SUPT3H: variants seen among roughly 807,000 people sequenced by gnomAD.
SUPT3H encodes the protein SPT3 homolog, SAGA and STAGA complex component.
SUPT3H carries 44 observed loss-of-function variants against 44.3 expected under a neutral mutation model. That is an observed-to-expected ratio of 0.99 (90% CI 0.78 to 1.28). The LOEUF (loss-of-function observed/expected upper bound fraction) is 1.28, where lower values mean the gene tolerates loss of function less well. Ranked by LOEUF, SUPT3H falls within the 50% of genes most tolerant of loss-of-function variation. The pLI, the probability that SUPT3H is intolerant of heterozygous loss-of-function variation, is 0.00. For missense variants in SUPT3H, 380 were observed against 387.1 expected, an observed-to-expected ratio of 0.98 and a Z score of 0.15; for synonymous variants, 124 against 125.6, an observed-to-expected ratio of 0.99 and a Z score of 0.09.
chr6:45,288,459 A>G (rs1173069765), intron 2 of SUPT3H, among the ~76,000 whole-genome samples: 1 of 151,248 alleles, frequency 6.6e-6, no homozygotes, highest in Non-Finnish European at 1.5e-5. Flanking sequence ...CAAAATTATT[A>G]TAAATTCAAT....
At chr6:44,906,741 A>AACACAGGTTGAG (rs1220503914) in intron 10 of SUPT3H, among the ~76,000 whole-genome samples, 8 of 152,320 alleles carry the variant, frequency 5.3e-5, no homozygotes, top group Admixed American at 3.9e-4. Flanking sequence ...CAACCTGGGC[A>AACACAGGTTGAG]ACAGAGTGAG....
chr6:45,306,452 C>G (rs767460156), intron 2 of SUPT3H, among the ~76,000 whole-genome samples: 4 of 152,042 alleles, frequency 2.6e-5, no homozygotes, highest in Non-Finnish European at 5.9e-5. Context: ...CACAGATTAC[C>G]CAGCTTGAAC....
chr6:44,930,417 G>A (rs1770388414), intron 10 of SUPT3H, among the ~76,000 whole-genome samples: 1 of 151,090 alleles, frequency 6.6e-6, no homozygotes, highest in Non-Finnish European at 1.5e-5. Flanking sequence ...ACAAAAATTA[G>A]TTGGGCATGG....
In SUPT3H at chr6:44,937,635, A is replaced by C. The variant is rs887155385; in HGVS notation, c.802-4872T>G. On this transcript the variant is annotated intron_variant, in intron 9 of 10. Transcript: ENST00000371459. The stretch of plus-strand genomic sequence containing the variant: ...ATAATAGCCATTCTGATTGGTGTAA[A>C]ATGATATCTCATTGTGGTTTTAATT... Among the ~76,000 whole-genome samples, 15 of 152,192 alleles carry C rather than the reference A, an allele frequency of 9.9e-5. No homozygotes were observed. The East Asian group carries it at 2.9e-3, about 29-fold the overall frequency.
chr6:44,903,142 A>C (rs559381735), intron 10 of SUPT3H, among the ~76,000 whole-genome samples: 20 of 152,226 alleles, frequency 1.3e-4, no homozygotes, highest in East Asian at 1.9e-4. Flanking sequence ...AGAGCAAACA[A>C]ATTCAAAAGC....
chr6:45,372,302 G>A (rs1282281650), intron 1 of SUPT3H, among the ~76,000 whole-genome samples: 4 of 152,110 alleles, frequency 2.6e-5, no homozygotes, highest in East Asian at 1.9e-4. Context: ...TTAGTAAACC[G>A]CCTTGTACAT....
rs78958609 is a variant in SUPT3H, at chr6:44,995,363, A to T, written c.504+8290T>A. On this transcript the variant is annotated intron_variant, in intron 6 of 10. Transcript: ENST00000371459. Reference sequence around the variant, plus strand: ...ACAGACAACTTTTTCTTCCCTAAAGATCTATTTTATTCCCTACCTCTTTAA... The same window carrying T: ...ACAGACAACTTTTTCTTCCCTAAAGTTCTATTTTATTCCCTACCTCTTTAA... Among the ~76,000 whole-genome samples the T allele has an allele frequency of 6.2e-3, 944 of 152,140 alleles. 9 individuals are homozygous for T. The highest frequency in any genetic ancestry group is 0.023 in the South Asian group (110 of 4,820).
At chr6:45,230,662 C>CTATATA (rs66480751) in intron 2 of SUPT3H, among the ~76,000 whole-genome samples, 1 of 68,716 alleles carries the variant, frequency 1.5e-5, no homozygotes, top group Admixed American at 1.4e-4. Flanking sequence ...TTCATTCAGT[C>CTATATA]TATATATATA....
Position 45,158,298 on chromosome 6 carries a change from A to ATATATTTT in SUPT3H, c.102-52293_102-52292insAAAATATA. Among the ~76,000 whole-genome samples, 3 of 99,688 alleles carry ATATATTTT rather than the reference A, an allele frequency of 3.0e-5. 1 individual carries two copies. The highest frequency in any genetic ancestry group is 1.5e-4 in the African/African-American group (3 of 19,982). The allele number at this position is 99,688 out of a possible 152,430, so 65.4% of individuals were successfully genotyped here. A position where few individuals can be genotyped will look rare whatever the true frequency, so the allele number is the denominator to read the frequency against. ...TACATATATATATATATATATATAT[A>ATATATTTT]TTTTTTTTTTTTTTTTTTTGAGATG... On this transcript the variant is annotated intron_variant, in intron 2 of 10. Transcript: ENST00000371459.
At chr6:45,325,389 T>C (rs1786192028) in intron 2 of SUPT3H, among the ~76,000 whole-genome samples, 1 of 151,882 alleles carries the variant, frequency 6.6e-6, no homozygotes, top group Non-Finnish European at 1.5e-5. Context: ...ACACATAGCA[T>C]TTAAACACAA....
intron 2 of SUPT3H, among the ~76,000 whole-genome samples, chr6:45,271,530 C>G (rs546995938): frequency 4.2e-4 from 64 of 152,266 alleles, no homozygotes; most frequent in African/African-American, 1.5e-3. Flanking sequence ...AGAACTGAAG[C>G]CTGTGAGCCT....
intron 10 of SUPT3H, among the ~76,000 whole-genome samples, chr6:44,904,166 G>A (rs1582388365): frequency 1.3e-5 from 2 of 152,074 alleles, no homozygotes; most frequent in East Asian, 3.9e-4. Context: ...ACATAGTGTT[G>A]GAAGTTCTGG....
intron 2 of SUPT3H, among the ~76,000 whole-genome samples, chr6:45,187,188 G>T (rs997978222): frequency 1.3e-5 from 2 of 151,568 alleles, no homozygotes; most frequent in Admixed American, 6.6e-5. Context: ...GCGGAGGCAG[G>T]TGGATCACCA....
At chr6:44,901,513 T>C (rs1226725512) in intron 10 of SUPT3H, among the ~76,000 whole-genome samples, 3 of 151,864 alleles carry the variant, frequency 2.0e-5, no homozygotes, top group Non-Finnish European at 2.9e-5. Context: ...CCAAGAAATA[T>C]GGGACTATGT....
chr6:45,359,991 GA>G (rs1234286629), intron 2 of SUPT3H, among the ~76,000 whole-genome samples: 10 of 152,090 alleles, frequency 6.6e-5, no homozygotes, highest in Admixed American at 2.6e-4. Flanking sequence ...GCAATCAACT[GA>G]AAAAACATTT....
At chr6:44,942,134 T>A (rs146438087) in intron 9 of SUPT3H, among the ~76,000 whole-genome samples, 1 of 152,196 alleles carries the variant, frequency 6.6e-6, no homozygotes, top group African/African-American at 2.4e-5. Context: ...AATTAATTTA[T>A]GTATACATAT....
chr6:45,278,973 A>G, intron 2 of SUPT3H, among the ~76,000 whole-genome samples: 1 of 152,314 alleles, frequency 6.6e-6, no homozygotes, highest in Middle Eastern at 3.4e-3. Context: ...TTTCAAAAAA[A>G]AGACATTTGG....
chr6:45,372,745 A>T (rs1010973951), intron 1 of SUPT3H, among the ~76,000 whole-genome samples: 1 of 151,734 alleles, frequency 6.6e-6, no homozygotes, highest in Non-Finnish European at 1.5e-5. Context: ...TGCAATCTCC[A>T]CCTCCTGGGC....
intron 2 of SUPT3H, among the ~76,000 whole-genome samples, chr6:45,359,629 T>G (rs1342804660): frequency 6.6e-6 from 1 of 152,230 alleles, no homozygotes; most frequent in Non-Finnish European, 1.5e-5. Context: ...AAGCATCTAA[T>G]AAGTATATAG....
Sources: gnomAD v4.1 joint callset for allele counts (sites outside exome capture counted in the v4.1 genomes callset) on GRCh38, gnomAD v4.1.1 for gene constraint, MANE v1.5 for transcripts, NCBI Gene and HGNC (gene_info 2026-07-23, HGNC 2026-07-21) for gene names.